CREB3L2: variants seen among roughly 807,000 people sequenced by gnomAD.
CREB3L2 encodes cAMP responsive element binding protein 3 like 2, also known as cyclic AMP-responsive element-binding protein 3-like protein 2.
In CREB3L2, 23 loss-of-function variants were observed where a neutral mutation model predicts 57.2. The ratio of observed to expected loss-of-function variants is 0.40; its 90% CI spans 0.29 to 0.57. CREB3L2 has a LOEUF of 0.57. Ranked by LOEUF, CREB3L2 falls within the 20% of genes least tolerant of loss-of-function variation. The pLI, the probability that CREB3L2 is intolerant of heterozygous loss-of-function variation, is 0.42. For missense variants in CREB3L2, 628 were observed against 634.7 expected, an observed-to-expected ratio of 0.99 and a Z score of 0.11; for synonymous variants, 268 against 265.1, an observed-to-expected ratio of 1.01 and a Z score of -0.11.
At chr7:137,932,268 T>C (rs1800662902) in intron 1 of CREB3L2, among the ~76,000 whole-genome samples, 1 of 152,212 alleles carries the variant, frequency 6.6e-6, no homozygotes, top group Admixed American at 6.5e-5. Flanking sequence ...CCTCACATTT[T>C]TATTGTATGT....
At chr7:137,913,608 C>A (rs969072852) in intron 3 of CREB3L2, among the ~76,000 whole-genome samples, 6 of 150,620 alleles carry the variant, frequency 4.0e-5, no homozygotes, top group African/African-American at 1.5e-4. Context: ...TATCAATATT[C>A]TTTTCTATGT....
chr7:137,898,910 TA>T (rs1224007650), intron 8 of CREB3L2, among the ~76,000 whole-genome samples: 1 of 42,646 alleles, frequency 2.3e-5, no homozygotes, highest in Non-Finnish European at 4.8e-5. Context: ...CAAACAAAAA[TA>T]AAAATGTGGA....
intron 1 of CREB3L2, among the ~76,000 whole-genome samples, chr7:137,952,893 C>G (rs1305171720): frequency 6.6e-6 from 1 of 152,218 alleles, no homozygotes; most frequent in Admixed American, 6.5e-5. Flanking sequence ...TCTTGGCTCA[C>G]TACAACCTCC....
At chr7:137,995,781 A>G (rs1801980621) in intron 1 of CREB3L2, among the ~76,000 whole-genome samples, 1 of 152,218 alleles carries the variant, frequency 6.6e-6, no homozygotes, top group South Asian at 2.1e-4. Flanking sequence ...CTCCTGCAAA[A>G]GCAATGTCAC....
In CREB3L2 at chr7:137,882,403, A is replaced by G. The variant is rs1799312894; in HGVS notation, c.1487+9T>C. Reference sequence around the variant, plus strand: ...CTAGAGGAGTTGGCTCTGTGTCTCTATGACTCACAGGTGCTGCTGCAGCTC... The same window carrying G: ...CTAGAGGAGTTGGCTCTGTGTCTCTGTGACTCACAGGTGCTGCTGCAGCTC... On this transcript the variant is annotated intron_variant, in intron 11 of 11. Transcript: ENST00000330387. 4 of 1,603,138 alleles carry G rather than the reference A, an allele frequency of 2.5e-6. No individual in the cohort carries two copies. Among genetic ancestry groups the G allele is most frequent in the East Asian group, 2.2e-5 (1 of 44,802 alleles).
At chr7:137,911,094 T>A (rs1277598223) in intron 4 of CREB3L2, among the ~76,000 whole-genome samples, 1 of 152,092 alleles carries the variant, frequency 6.6e-6, no homozygotes, top group African/African-American at 2.4e-5. Context: ...ATTAAAAGAG[T>A]AAGATGCATT....
Position 137,929,641 on chromosome 7 carries a change from T to C in CREB3L2, c.103-1275A>G, listed in dbSNP as rs1283577644. Reference sequence around the variant, plus strand: ...ACTTTGGGAGGCCAAGGTGGGCGGATCACAAGGTCAGGAGTTTGAGACCAG... The same window carrying C: ...ACTTTGGGAGGCCAAGGTGGGCGGACCACAAGGTCAGGAGTTTGAGACCAG... On this transcript the variant is annotated intron_variant, in intron 1 of 11. Coordinates refer to ENST00000330387, the MANE Select transcript of CREB3L2 (RefSeq NM_194071.4). Among the ~76,000 whole-genome samples the C allele has an allele frequency of 2.0e-5, 3 of 150,794 alleles. No homozygotes were observed. The East Asian group carries it at 6.0e-4, about 30-fold the overall frequency.
chr7:137,945,672 T>C (rs1037722145), intron 1 of CREB3L2, among the ~76,000 whole-genome samples: 4 of 152,184 alleles, frequency 2.6e-5, no homozygotes, highest in Non-Finnish European at 2.9e-5. Flanking sequence ...TTGCCCTCCA[T>C]GTAGACAGCA....
At chr7:137,991,629 G>C (rs370337273) in intron 1 of CREB3L2, among the ~76,000 whole-genome samples, 11 of 152,192 alleles carry the variant, frequency 7.2e-5, no homozygotes, top group African/African-American at 2.4e-4. Flanking sequence ...AGGCACGGCC[G>C]AGCACAGTGG....
chr7:137,989,603 C>T (rs1563275223), intron 1 of CREB3L2, among the ~76,000 whole-genome samples: 1 of 152,020 alleles, frequency 6.6e-6, no homozygotes, highest in Non-Finnish European at 1.5e-5. Context: ...CTTCACTAAT[C>T]CCTCACCAGG....
rs1390980370 is a variant in CREB3L2, at chr7:137,880,325, G to C, written c.*151C>G. 6 of 661,112 alleles carry C rather than the reference G, an allele frequency of 9.1e-6. No homozygotes were observed. The Admixed American group carries it at 1.1e-4, about 13-fold the overall frequency. The allele number at this position is 661,112 out of a possible 1,614,324, so 41.0% of individuals were successfully genotyped here. The stretch of plus-strand genomic sequence containing the variant: ...GGGGGAGATGCTCTCTCACTGCAGG[G>C]AAGTCCCAGGCTGGTCTCCAATCTG... On this transcript the variant is annotated 3_prime_UTR_variant, in exon 12 of 12. Coordinates refer to ENST00000330387, the MANE Select transcript of CREB3L2 (RefSeq NM_194071.4). This position sits in a 1 kb window ranked among gnomAD's most constrained non-coding sequence, Gnocchi z 4.0.
intron 2 of CREB3L2, among the ~76,000 whole-genome samples, chr7:137,925,661 T>C (rs1671074077): frequency 6.6e-6 from 1 of 152,110 alleles, no homozygotes; most frequent in Non-Finnish European, 1.5e-5. Context: ...ATGAATAAAA[T>C]AATTCTGTTC....
chr7:137,936,824 C>G (rs1402659810), intron 1 of CREB3L2, among the ~76,000 whole-genome samples: 2 of 152,156 alleles, frequency 1.3e-5, no homozygotes, highest in African/African-American at 4.8e-5. Flanking sequence ...GCTCTACTAC[C>G]CTATCATTTT....
At position 138,001,595 on chromosome 7, in the gene CREB3L2, G is replaced by A. The variant is rs775824947; in HGVS notation, c.102+9C>T. Reference sequence around the variant, plus strand: ...GAAAGCCCTCCTGCCCCGCCCGCCGGGTCCTCACCGTGTGGTACATGAGGG... The same window carrying A: ...GAAAGCCCTCCTGCCCCGCCCGCCGAGTCCTCACCGTGTGGTACATGAGGG... On this transcript the variant is annotated intron_variant, in intron 1 of 11. Coordinates refer to ENST00000330387, the MANE Select transcript of CREB3L2 (RefSeq NM_194071.4). The surrounding 1 kb of genome is among the most constrained non-coding windows in gnomAD (Gnocchi z 4.2). 1.9e-6 allele frequency: 3 copies of A among 1,605,286 alleles called. No individual in the cohort carries two copies. The highest frequency in any genetic ancestry group is 2.6e-6 in the Non-Finnish European group (3 of 1,174,228).
rs774348413 is a variant in CREB3L2, at chr7:137,956,645, G to A, written c.103-28279C>T. The A allele has an allele frequency of 7.0e-6, 9 of 1,288,648 alleles. No homozygotes were observed. The South Asian group carries it at 1.1e-4, about 16-fold the overall frequency. The allele number at this position is 1,288,648 out of a possible 1,614,324, so 79.8% of individuals were successfully genotyped here. On this transcript the variant is annotated intron_variant, in intron 1 of 11. Transcript: ENST00000330387. ...TATTTCTCGAGAAGCCAGCAGCCCA[G>A]GTAAGCCATATTGAAACAGCACAAT...
At chr7:137,912,868 T>C (rs778066179) in intron 4 of CREB3L2, 123 bp downstream of exon 4, 21 of 1,545,086 alleles carry the variant, frequency 1.4e-5, no homozygotes, top group Admixed American at 3.9e-5. Flanking sequence ...AACAGAGCTA[T>C]TTCATAAAGC....
intron 2 of CREB3L2, among the ~76,000 whole-genome samples, chr7:137,927,034 G>A (rs781323224): frequency 2.0e-5 from 3 of 152,032 alleles, no homozygotes; most frequent in Non-Finnish European, 4.4e-5. Flanking sequence ...GCACATGCCT[G>A]TAGTCCCAGC....
chr7:137,931,980 A>G (rs181349354), intron 1 of CREB3L2, among the ~76,000 whole-genome samples: 287 of 152,120 alleles, frequency 1.9e-3, no homozygotes, highest in African/African-American at 6.6e-3. Context: ...GCTCCCATCC[A>G]TTCCCTTCAT....
chr7:137,890,266 A>G (rs1799505810), intron 8 of CREB3L2, among the ~76,000 whole-genome samples: 1 of 152,254 alleles, frequency 6.6e-6, no homozygotes, highest in Admixed American at 6.5e-5. Context: ...CTCTGGATAC[A>G]TCAAAGATAA....
Sources: allele counts gnomAD v4.1 joint callset (sites outside exome capture counted in the v4.1 genomes callset), GRCh38; gene constraint gnomAD v4.1.1; non-coding constraint Gnocchi (gnomAD v3.1); transcripts MANE v1.5; gene names NCBI Gene and HGNC (gene_info 2026-07-23, HGNC 2026-07-21).